NVL: variants seen among roughly 807,000 people sequenced by gnomAD.
The protein encoded by NVL is nuclear valosin-containing protein-like.
A neutral mutation model predicts 110.2 loss-of-function variants in NVL; 84 were observed. The observed-to-expected ratio is 0.76, with a 90% CI of 0.64 to 0.91. NVL has a LOEUF of 0.91. NVL is among the 40% of genes least tolerant of loss of function. The pLI is 0.00. For synonymous variants in NVL, 354 were observed against 361.1 expected, an observed-to-expected ratio of 0.98 and a Z score of 0.22; for missense variants, 882 against 1,035.9, an observed-to-expected ratio of 0.85 and a Z score of 2.04.
intron 14 of NVL, among the ~76,000 whole-genome samples, chr1:224,287,395 A>G (rs1156276032): frequency 1.3e-5 from 2 of 152,206 alleles, no homozygotes; most frequent in African/African-American, 4.8e-5. Flanking sequence ...GCTAGAAGAA[A>G]AAAGTATATT....
chr1:224,317,765 T>C lies in NVL; in HGVS notation c.213A>G (p.Glu71=). Residue 71 remains glutamate (E), a synonymous_variant, in exon 4 of 23, where the codon GAA becomes GAG. Coordinates refer to ENST00000281701, the MANE Select transcript of NVL (RefSeq NM_002533.4). Reference sequence around the variant, plus strand: ...CTTCTAATTCTGTTAAATTCTTAAGTTCCTTCTCACTACTAATTATGCTAA... The same window carrying C: ...CTTCTAATTCTGTTAAATTCTTAAGCTCCTTCTCACTACTAATTATGCTAA... ...KVFSIISSEK[E]LKNLTELEDE... The C allele has an allele frequency of 6.2e-7, 1 of 1,607,780 alleles. No homozygotes were observed. The highest frequency in any genetic ancestry group is 1.1e-5 in the South Asian group (1 of 90,866).
chr1:224,240,974 T>C (rs1336849606), intron 19 of NVL, among the ~76,000 whole-genome samples: 1 of 151,664 alleles, frequency 6.6e-6, no homozygotes, highest in Non-Finnish European at 1.5e-5. Context: ...GTATGTTTAG[T>C]AGAGATGGGT....
At chr1:224,320,533 G>A (rs920704738) in intron 2 of NVL, among the ~76,000 whole-genome samples, 10 of 152,068 alleles carry the variant, frequency 6.6e-5, no homozygotes, top group African/African-American at 2.4e-4. Context: ...TGTAATCCCA[G>A]CTACTTGGGA....
intron 18 of NVL, among the ~76,000 whole-genome samples, chr1:224,261,837 T>C (rs1664023469): frequency 6.6e-6 from 1 of 151,912 alleles, no homozygotes; most frequent in Non-Finnish European, 1.5e-5. Context: ...GGTGCGTGCC[T>C]GTAGTCCCAG....
At position 224,304,638 on chromosome 1, in the gene NVL, CT is replaced by C. The variant is rs1668740599; in HGVS notation, c.825+97del. 2.8e-6 allele frequency: 3 copies of C among 1,061,710 alleles called. No individual in the cohort carries two copies. The South Asian group carries it at 4.3e-5, about 15-fold the overall frequency. The allele number at this position is 1,061,710 out of a possible 1,614,324, so 65.8% of individuals were successfully genotyped here. ...TTCTCAACCTTCCCAGTTTCCTTTT[CT>C]ACACCCAGATCATATTAGAAACAAA... On this transcript the variant is annotated intron_variant, in intron 8 of 22. Coordinates refer to ENST00000281701, the MANE Select transcript of NVL (RefSeq NM_002533.4).
intron 12 of NVL, among the ~76,000 whole-genome samples, chr1:224,289,939 T>C (rs1157350659): frequency 6.6e-6 from 1 of 152,234 alleles, no homozygotes; most frequent in African/African-American, 2.4e-5. Context: ...AAATATCTGC[T>C]TTGTTAGGAA....
In NVL at chr1:224,227,451, C is replaced by T. The variant is rs894787469; in HGVS notation, c.*175G>A. The T allele has an allele frequency of 4.6e-6, 2 of 431,618 alleles. No individual in the cohort carries two copies. Among genetic ancestry groups the T allele is most frequent in the African/African-American group, 4.1e-5 (2 of 49,186 alleles). The allele number at this position is 431,618 out of a possible 1,614,324, so 26.7% of individuals were successfully genotyped here. A position where few individuals can be genotyped will look rare whatever the true frequency, so the allele number is the denominator to read the frequency against. ...AGGAAGAAGGCATTTTCACACAAGG[C>T]TGGCCAGATGGGAAGAATCTTCAGC... On this transcript the variant is annotated 3_prime_UTR_variant, in exon 23 of 23. Coordinates refer to ENST00000281701, the MANE Select transcript of NVL (RefSeq NM_002533.4).
At chr1:224,275,636 C>T (rs1005687993) in intron 16 of NVL, among the ~76,000 whole-genome samples, 178 bp from the exon 17 acceptor site, 3 of 152,168 alleles carry the variant, frequency 2.0e-5, no homozygotes, top group Admixed American at 6.5e-5. Flanking sequence ...TAATAGCCAA[C>T]TGCATATAGT....
rs71170004 is a variant in NVL, at chr1:224,316,662, C to CAA, written c.284+1030_284+1031dup. ...TGGGTGACAGAGTAAAACCCTGTCT[C>CAA]AAAAAAAAAAAAAAAAGAAAAAGAA... On this transcript the variant is annotated intron_variant, in intron 4 of 22. Coordinates refer to ENST00000281701, the MANE Select transcript of NVL (RefSeq NM_002533.4). Among the ~76,000 whole-genome samples the CAA allele has an allele frequency of 2.9e-3, 351 of 121,714 alleles. 2 individuals are homozygous for CAA. Among genetic ancestry groups the CAA allele is most frequent in the Middle Eastern group, 4.2e-3 (1 of 240 alleles). 79.8% of individuals were successfully genotyped at this position (121,714 alleles called of 152,430 possible).
At chr1:224,261,049 T>A (rs1391710297) in intron 18 of NVL, among the ~76,000 whole-genome samples, 4 of 152,032 alleles carry the variant, frequency 2.6e-5, no homozygotes, top group African/African-American at 9.7e-5. Context: ...CTGATTTTTT[T>A]ATTTTTAGTA....
At chr1:224,309,427 G>A (rs982977339) in intron 5 of NVL, among the ~76,000 whole-genome samples, 1 of 152,040 alleles carries the variant, frequency 6.6e-6, no homozygotes, top group Non-Finnish European at 1.5e-5. Flanking sequence ...GCTAAGGTAG[G>A]AGGACAACTT....
At chr1:224,310,238 A>G (rs10737442) in intron 5 of NVL, among the ~76,000 whole-genome samples, 138,961 of 151,570 alleles carry the variant, frequency 0.92, 63,957 homozygotes, top group Middle Eastern at 0.98. Context: ...TCTCATTTAC[A>G]TTGTATTATT....
intron 21 of NVL, 39 bp downstream of exon 21, chr1:224,233,162 A>G (rs1294937125): frequency 1.3e-6 from 2 of 1,550,242 alleles, no homozygotes; most frequent in African/African-American, 2.7e-5. Context: ...GGTTTTAAGT[A>G]TCATAATTAG....
At chr1:224,300,336 A>G (rs1315985054) in intron 10 of NVL, among the ~76,000 whole-genome samples, 2 of 152,188 alleles carry the variant, frequency 1.3e-5, no homozygotes, top group Non-Finnish European at 1.5e-5. Flanking sequence ...TTTCTCACCA[A>G]TTACATTTAT....
chr1:224,294,791 G>A (rs3767723), intron 11 of NVL, among the ~76,000 whole-genome samples: 10,296 of 152,154 alleles, frequency 0.068, 444 homozygotes, highest in African/African-American at 0.12. Flanking sequence ...AAGGCTTGAA[G>A]GGTAAATACA....
intron 19 of NVL, among the ~76,000 whole-genome samples, chr1:224,244,372 A>C (rs1256188981): frequency 1.3e-5 from 2 of 152,070 alleles, no homozygotes. Flanking sequence ...CGTCTCAAAA[A>C]AAAAAATTTC....
At chr1:224,259,127 TGCCCAA>T (rs1446492083) in intron 18 of NVL, among the ~76,000 whole-genome samples, 1 of 151,966 alleles carries the variant, frequency 6.6e-6, no homozygotes, top group African/African-American at 2.4e-5. Flanking sequence ...CTCACTCTGT[TGCCCAA>T]GCTGGAGTGT....
At position 224,287,768 on chromosome 1, in the gene NVL, T is replaced by C; in HGVS notation, c.1794+7A>G. On this transcript the variant is annotated splice_region_variant and intron_variant, in intron 14 of 22. Coordinates refer to ENST00000281701, the MANE Select transcript of NVL (RefSeq NM_002533.4). Reference sequence around the variant, plus strand: ...TGCCAATAATATTTGGCAGCTGATATACCTACCAATATTGCCATGGTGAGC... The same window carrying C: ...TGCCAATAATATTTGGCAGCTGATACACCTACCAATATTGCCATGGTGAGC... 6.2e-7 allele frequency: 1 copy of C among 1,609,186 alleles called. No homozygotes were observed. Among genetic ancestry groups the C allele is most frequent in the Non-Finnish European group, 8.5e-7 (1 of 1,175,614 alleles).
At chr1:224,322,112 GCT>G (rs1670709093) in intron 2 of NVL, among the ~76,000 whole-genome samples, 1 of 152,084 alleles carries the variant, frequency 6.6e-6, no homozygotes, top group Non-Finnish European at 1.5e-5. Context: ...ACAGGGTCTT[GCT>G]CTGTCACCCA....
Sources: gnomAD v4.1 joint callset for allele counts (sites outside exome capture counted in the v4.1 genomes callset) on GRCh38, gnomAD v4.1.1 for gene constraint, MANE v1.5 for transcripts, NCBI Gene and HGNC (gene_info 2026-07-23, HGNC 2026-07-21) for gene names.